ZNF544: variants seen among roughly 807,000 people sequenced by gnomAD.
The protein encoded by ZNF544 is zinc finger protein 544.
A neutral mutation model predicts 13.5 loss-of-function variants in ZNF544; 10 were observed. The ratio of observed to expected loss-of-function variants is 0.74; its 90% CI spans 0.46 to 1.25. The LOEUF (loss-of-function observed/expected upper bound fraction) is 1.25, where lower values mean the gene tolerates loss of function less well. ZNF544 is among the 50% of genes most tolerant of loss of function. ZNF544 has a pLI of 0.00. For synonymous variants in ZNF544, 323 were observed against 300.5 expected, an observed-to-expected ratio of 1.07 and a Z score of -0.77; for missense variants, 896 against 845.6, an observed-to-expected ratio of 1.06 and a Z score of -0.74.
intron 3 of ZNF544, among the ~76,000 whole-genome samples, chr19:58,234,304 A>G (rs530848161): frequency 6.6e-6 from 1 of 152,206 alleles, no homozygotes; most frequent in East Asian, 1.9e-4. Context: ...CTGCCTGTGC[A>G]TTGGGGTGCC....
At chr19:58,270,463 A>G (rs2050498908) in intron 5 of ZNF544, among the ~76,000 whole-genome samples, 1 of 151,984 alleles carries the variant, frequency 6.6e-6, no homozygotes, top group Admixed American at 6.6e-5. Flanking sequence ...CACCACGCCC[A>G]GCTAATTTTT....
At chr19:58,246,166 A>T in intron 4 of ZNF544, 135 bp from the exon 5 acceptor site, 1 of 1,226,900 alleles carries the variant, frequency 8.2e-7, no homozygotes, top group Non-Finnish European at 1.2e-6. Flanking sequence ...CCCACCTCTT[A>T]ACACTATCTC....
intron 5 of ZNF544, among the ~76,000 whole-genome samples, chr19:58,272,672 C>T (rs557228681): frequency 3.2e-4 from 49 of 152,050 alleles, no homozygotes; most frequent in African/African-American, 1.2e-3. Flanking sequence ...ATCATGAGGT[C>T]AGGAGTTCAA....
chr19:58,260,811 A>C (rs1189784834), intron 6 of ZNF544, 40 bp from the exon 7 acceptor site: 1 of 1,499,980 alleles, frequency 6.7e-7, no homozygotes, highest in Non-Finnish European at 8.9e-7. Flanking sequence ...TCCCCCTCTG[A>C]TGCTTCTCCA....
intron 3 of ZNF544, among the ~76,000 whole-genome samples, chr19:58,239,879 A>G (rs2043192378): frequency 6.7e-6 from 1 of 150,124 alleles, no homozygotes; most frequent in Non-Finnish European, 1.5e-5. Flanking sequence ...AGCCTGGGCA[A>G]CAGAGCAAGA....
At chr19:58,252,247 C>A (rs905047841) in intron 6 of ZNF544, among the ~76,000 whole-genome samples, 1 of 152,198 alleles carries the variant, frequency 6.6e-6, no homozygotes, top group African/African-American at 2.4e-5. Flanking sequence ...GGCAAGAAAT[C>A]CATATTCTCA....
At chr19:58,268,810 T>C (rs1195204980), downstream of ZNF544, among the ~76,000 whole-genome samples, 1 of 152,212 alleles carries the variant, frequency 6.6e-6, no homozygotes, top group African/African-American at 2.4e-5. Context: ...ATAACTTGGT[T>C]AAGGTACAGG....
In ZNF544 at chr19:58,262,847, C is replaced by A. The variant is rs141246746; in HGVS notation, c.*93C>A. 2.5e-5 allele frequency: 37 copies of A among 1,507,918 alleles called. No homozygotes were observed. Among genetic ancestry groups the A allele is most frequent in the Admixed American group, 6.8e-5 (3 of 44,090 alleles). The allele number at this position is 1,507,918 out of a possible 1,614,324, so 93.4% of individuals were successfully genotyped here. ...TCGGTGGGAAGAGCTATCAGTGTGACGTGTATTAAGCCAGCGGTTGTGACT... is the reference window on the plus strand; with the variant it reads ...TCGGTGGGAAGAGCTATCAGTGTGAAGTGTATTAAGCCAGCGGTTGTGACT... On this transcript the variant is annotated 3_prime_UTR_variant, in exon 7 of 7. Transcript: ENST00000687789.
At chr19:58,238,052 C>T (rs558604556) in intron 3 of ZNF544, among the ~76,000 whole-genome samples, 2 of 152,336 alleles carry the variant, frequency 1.3e-5, no homozygotes, top group African/African-American at 2.4e-5. Flanking sequence ...CCTGCCTCAG[C>T]CTCCTGAGTA....
intron 6 of ZNF544, among the ~76,000 whole-genome samples, chr19:58,276,616 C>T (rs1178679343): frequency 6.6e-6 from 1 of 152,054 alleles, no homozygotes; most frequent in South Asian, 2.1e-4. Flanking sequence ...TACAGGTGCC[C>T]GCCACCACAC....
chr19:58,274,967 A>C (rs963859958), intron 5 of ZNF544, among the ~76,000 whole-genome samples: 1 of 151,806 alleles, frequency 6.6e-6, no homozygotes, highest in African/African-American at 2.4e-5. Flanking sequence ...ACCCAAAATA[A>C]GGGAGAGAAG....
intron 6 of ZNF544, among the ~76,000 whole-genome samples, chr19:58,250,345 C>T (rs1199114607): frequency 1.3e-5 from 2 of 152,138 alleles, no homozygotes; most frequent in Non-Finnish European, 2.9e-5. Context: ...AGAGGTGTTT[C>T]GTACTGGGGA....
At chr19:58,231,877 C>T (rs991970256) in intron 3 of ZNF544, 21 of 152,102 alleles carry the variant, frequency 1.4e-4, no homozygotes, top group African/African-American at 4.6e-4. Context: ...AGGTCTTGCT[C>T]TGTCACCTAG....
At position 58,261,698 on chromosome 19, in the gene ZNF544, C is replaced by G. The variant is rs1370029405; in HGVS notation, c.1092C>G (p.Ser364Arg). Residue 364 changes from serine to arginine, a missense_variant, in exon 7 of 7, where the codon AGC becomes AGG. Coordinates refer to ENST00000687789, the MANE Select transcript of ZNF544 (RefSeq NM_014480.4). ...GTAATCAGTGTGGAAAATCTTTCAG[C>G]TGTTGTAAGCTCATACACCAGAGAA... is the stretch of plus-strand genomic sequence containing the variant. ...SVCNQCGKSF[S>R]CCKLIHQRTH... 9 of 1,614,210 alleles carry G rather than the reference C, an allele frequency of 5.6e-6. No individual in the cohort carries two copies. The highest frequency in any genetic ancestry group is 6.8e-6 in the Non-Finnish European group (8 of 1,180,046).
chr19:58,268,071 G>A (rs145077520), downstream of ZNF544, among the ~76,000 whole-genome samples: 667 of 152,228 alleles, frequency 4.4e-3, 5 homozygotes, highest in Middle Eastern at 3.4e-3. Flanking sequence ...AGGCCGAGGC[G>A]GGCGGATCAC....
At chr19:58,267,096 C>T (rs1388614922), downstream of ZNF544, 1 of 152,238 alleles carries the variant, frequency 6.6e-6, no homozygotes, top group African/African-American at 2.4e-5. Context: ...GAGTCTCATT[C>T]TGTTGCTCAG....
intron 6 of ZNF544, among the ~76,000 whole-genome samples, chr19:58,253,245 T>C (rs1283980752): frequency 3.9e-5 from 6 of 152,268 alleles, no homozygotes; most frequent in Non-Finnish European, 8.8e-5. Context: ...AATTCTTTCA[T>C]TTTAACATTT....
intron 3 of ZNF544, among the ~76,000 whole-genome samples, chr19:58,240,641 G>A (rs562858563): frequency 1.6e-4 from 25 of 152,012 alleles, no homozygotes; most frequent in African/African-American, 6.0e-4. Flanking sequence ...GCGCGCCTGT[G>A]ATCCCAGCTA....
At chr19:58,272,576 T>C (rs1330380301) in intron 5 of ZNF544, among the ~76,000 whole-genome samples, 3 of 150,680 alleles carry the variant, frequency 2.0e-5, no homozygotes, top group Non-Finnish European at 4.4e-5. Context: ...AAAATAAAAA[T>C]AATCCCTTGG....
Sources: allele counts gnomAD v4.1 joint callset (sites outside exome capture counted in the v4.1 genomes callset), GRCh38; gene constraint gnomAD v4.1.1; transcripts MANE v1.5; gene names NCBI Gene and HGNC (gene_info 2026-07-23, HGNC 2026-07-21).